Variants in KCNQ1 observed in about 807,000 individuals in gnomAD.
The protein encoded by KCNQ1 is potassium voltage-gated channel subfamily Q member 1.
In KCNQ1, 49 loss-of-function variants were observed where a neutral mutation model predicts 72.4. That is an observed-to-expected ratio of 0.68 (90% confidence interval 0.54 to 0.86). The LOEUF is 0.86. Ranked by LOEUF, KCNQ1 falls within the 40% of genes least tolerant of loss-of-function variation. The probability of loss-of-function intolerance (pLI) is 0.00; values close to 1 mark genes in which losing one functional copy is unlikely to be tolerated. For missense variants in KCNQ1, 790 were observed against 945.1 expected, an observed-to-expected ratio of 0.84 and a Z score of 2.15; for synonymous variants, 450 against 412.6, an observed-to-expected ratio of 1.09 and a Z score of -1.10.
rs1849172745 is a variant in KCNQ1 at position 2,621,546 on chromosome 11, G to C, written c.1393+32692G>C. 1 of 398,282 alleles carries C rather than the reference G, an allele frequency of 2.5e-6. No homozygotes were observed. The highest frequency in any genetic ancestry group is 1.3e-4 in the South Asian group (1 of 7,850). 24.7% of individuals were successfully genotyped at this position (398,282 alleles called of 1,614,324 possible). On this transcript the variant is annotated intron_variant, in intron 10 of 15. Transcript: ENST00000155840. The surrounding 1 kb of genome is among the most constrained non-coding windows in gnomAD (Gnocchi z 5.7). ...TCTTTTGCTATGCAGAAGCTCTTTA[G>C]TTTACCACTGTGATCTCTTTGCTAT...
chr11:2,751,442 T>C (rs1180557181), intron 11 of KCNQ1, among the ~76,000 whole-genome samples: 1 of 152,188 alleles, frequency 6.6e-6, no homozygotes, highest in Non-Finnish European at 1.5e-5. Flanking sequence ...TGAGCATCTG[T>C]CCCACGTTCC....
intron 10 of KCNQ1, chr11:2,634,884 A>C (rs1308206204): frequency 1.3e-5 from 2 of 152,214 alleles, no homozygotes; most frequent in East Asian, 3.8e-4. Flanking sequence ...AACTGGTGTG[A>C]GATGGTATCT....
intron 11 of KCNQ1, among the ~76,000 whole-genome samples, chr11:2,737,021 G>A (rs929591140): frequency 1.2e-4 from 19 of 152,150 alleles, no homozygotes; most frequent in Admixed American, 2.0e-4. Flanking sequence ...CTCCCTGCTC[G>A]GGGATCCCAT....
chr11:2,523,892 G>C (rs1187855335), intron 1 of KCNQ1, among the ~76,000 whole-genome samples: 2 of 152,076 alleles, frequency 1.3e-5, no homozygotes, highest in African/African-American at 4.8e-5. Context: ...GGGGAGTGCA[G>C]CGCCTTCCGT....
chr11:2,615,759 T>C, intron 10 of KCNQ1: 1 of 398,120 alleles, frequency 2.5e-6, no homozygotes, highest in South Asian at 1.3e-4. Context: ...ATAATCCTTT[T>C]TAATATGCTG....
intron 15 of KCNQ1, among the ~76,000 whole-genome samples, chr11:2,829,123 C>T (rs1341792742): frequency 7.2e-5 from 11 of 152,132 alleles, no homozygotes; most frequent in South Asian, 4.1e-4. Flanking sequence ...TACTTGAGGA[C>T]GTGCTCTAGC....
intron 11 of KCNQ1, chr11:2,675,272 C>T: frequency 2.5e-6 from 1 of 398,542 alleles, no homozygotes. Context: ...GAAGATAACT[C>T]ACCTCTCCCA....
At position 2,484,463 on chromosome 11, in the gene KCNQ1, C is replaced by T. The variant is rs982656729; in HGVS notation, c.386+38979C>T. Among the ~76,000 whole-genome samples, 2 of 152,202 alleles carry T rather than the reference C, an allele frequency of 1.3e-5. No homozygotes were observed. The highest frequency in any genetic ancestry group is 4.8e-5 in the African/African-American group (2 of 41,460). On this transcript the variant is annotated intron_variant, in intron 1 of 15. Coordinates refer to ENST00000155840, the MANE Select transcript of KCNQ1 (RefSeq NM_000218.3). The surrounding 1 kb of genome is among the most constrained non-coding windows in gnomAD (Gnocchi z 5.2). ...TACAGGTGTGAGCCACTGCACCCAG[C>T]CTCATTATTTATTTTCATTGCTCAA...
rs1846602603 is a variant in KCNQ1, at chr11:2,478,345, A to G, written c.386+32861A>G. ...ATGTTATGTATTAGTCCATTTTCAA[A>G]TTACTGATAAAGACATACCTGAGAC... On this transcript the variant is annotated intron_variant, in intron 1 of 15. Coordinates refer to ENST00000155840, the MANE Select transcript of KCNQ1 (RefSeq NM_000218.3). The surrounding 1 kb of genome is among the most constrained non-coding windows in gnomAD (Gnocchi z 4.0). 2.0e-5 allele frequency among the ~76,000 whole-genome samples: 3 copies of G among 152,210 alleles called. No homozygotes were observed. The highest frequency in any genetic ancestry group is 6.5e-5 in the Admixed American group (1 of 15,284).
At chr11:2,609,232 C>T in intron 10 of KCNQ1, 1 of 398,190 alleles carries the variant, frequency 2.5e-6, no homozygotes, top group Non-Finnish European at 4.4e-6. Flanking sequence ...TCTTCATTTT[C>T]ATTAATCTCA....
At chr11:2,548,543 G>T (rs1289712829) in intron 2 of KCNQ1, among the ~76,000 whole-genome samples, 1 of 152,176 alleles carries the variant, frequency 6.6e-6, no homozygotes. Context: ...CTCTGGGGGT[G>T]GGGGGACACG....
intron 2 of KCNQ1, among the ~76,000 whole-genome samples, chr11:2,534,902 G>A (rs1453266874): frequency 1.3e-5 from 2 of 152,246 alleles, no homozygotes; most frequent in African/African-American, 2.4e-5. Flanking sequence ...GAGCTGGACT[G>A]AGATTCCGCA....
intron 10 of KCNQ1, chr11:2,619,852 G>A: frequency 2.5e-6 from 1 of 398,322 alleles, no homozygotes; most frequent in East Asian, 3.6e-5. Flanking sequence ...AGGTTTTGGG[G>A]TTTTTTTAAC....
intron 6 of KCNQ1, 124 bp from the exon 7 acceptor site, chr11:2,583,311 G>A (rs553929112): frequency 1.1e-5 from 8 of 758,982 alleles, no homozygotes; most frequent in South Asian, 4.2e-5. Flanking sequence ...ACACGGGGTC[G>A]TCCTGGTGGT....
rs192415993 is a variant in KCNQ1, at chr11:2,646,444, T to G, written c.1394-15517T>G. 1.2e-4 allele frequency: 48 copies of G among 398,680 alleles called. No individual in the cohort carries two copies. The Admixed American group carries it at 2.1e-3, about 17-fold the overall frequency. The allele number at this position is 398,680 out of a possible 1,614,324, so 24.7% of individuals were successfully genotyped here. On this transcript the variant is annotated intron_variant, in intron 10 of 15. Coordinates refer to ENST00000155840, the MANE Select transcript of KCNQ1 (RefSeq NM_000218.3). ...CTCCTTGGTTAAGCTTTGCTTTTTTTTGTAGCTATTGCAAATGGGATTGCT... is the reference window on the plus strand; with the variant it reads ...CTCCTTGGTTAAGCTTTGCTTTTTTGTGTAGCTATTGCAAATGGGATTGCT...
At chr11:2,702,883 C>T (rs74046876) in intron 11 of KCNQ1, among the ~76,000 whole-genome samples, 22 of 152,196 alleles carry the variant, frequency 1.4e-4, no homozygotes, top group Non-Finnish European at 2.6e-4. Context: ...CTCACCCCCT[C>T]GCCACACACG....
intron 11 of KCNQ1, among the ~76,000 whole-genome samples, chr11:2,726,914 A>AT (rs1845774179): frequency 6.6e-6 from 1 of 152,116 alleles, no homozygotes; most frequent in Admixed American, 6.5e-5. Flanking sequence ...AAGCAGTGAG[A>AT]AAGGGAACAC....
intron 15 of KCNQ1, among the ~76,000 whole-genome samples, chr11:2,779,505 G>A (rs762654541): frequency 1.3e-5 from 2 of 152,122 alleles, no homozygotes; most frequent in African/African-American, 4.8e-5. Context: ...CATCCCTGAC[G>A]TGCAGGAGTG....
chr11:2,719,233 T>C (rs1851160863), intron 11 of KCNQ1, among the ~76,000 whole-genome samples: 1 of 149,992 alleles, frequency 6.7e-6, no homozygotes, highest in Non-Finnish European at 1.5e-5. Context: ...TGGTGCTGGC[T>C]AAAGCCATTA....
Sources: gnomAD v4.1 joint callset for allele counts (sites outside exome capture counted in the v4.1 genomes callset) on GRCh38, gnomAD v4.1.1 for gene constraint, Gnocchi (gnomAD v3.1) non-coding constraint, MANE v1.5 for transcripts, NCBI Gene and HGNC (gene_info 2026-07-23, HGNC 2026-07-21) for gene names.